The following UBE2H variants were observed in gnomAD, a reference collection of about 807,000 sequenced individuals.
The protein encoded by UBE2H is ubiquitin conjugating enzyme E2 H.
A neutral mutation model predicts 29.0 loss-of-function variants in UBE2H; 3 were observed. That is an observed-to-expected ratio of 0.10 (90% confidence interval 0.05 to 0.27). UBE2H has a LOEUF of 0.27. Ranked by LOEUF, UBE2H falls within the 10% of genes least tolerant of loss-of-function variation. The pLI is 1.00. For synonymous variants in UBE2H, 69 were observed against 82.9 expected, an observed-to-expected ratio of 0.83 and a Z score of 0.91; for missense variants, 68 against 228.2, an observed-to-expected ratio of 0.30 and a Z score of 4.52.
intron 5 of UBE2H, among the ~76,000 whole-genome samples, chr7:129,853,741 G>A (rs1224178816): frequency 2.6e-5 from 4 of 152,310 alleles, no homozygotes; most frequent in Admixed American, 6.5e-5. Context: ...AATCAATGGC[G>A]GGGAAGGGTG....
intron 1 of UBE2H, among the ~76,000 whole-genome samples, chr7:129,889,436 G>C (rs1383352736): frequency 1.3e-5 from 2 of 152,288 alleles, no homozygotes; most frequent in Admixed American, 1.3e-4. Context: ...CAAAAAAGCA[G>C]ATCTCCAAAT....
chr7:129,850,770 G>T (rs1805593335), intron 5 of UBE2H, among the ~76,000 whole-genome samples: 1 of 151,216 alleles, frequency 6.6e-6, no homozygotes, highest in Non-Finnish European at 1.5e-5. Flanking sequence ...AGCCGAGATT[G>T]CGCCACTGCA....
chr7:129,926,208 G>A (rs1807265445), intron 1 of UBE2H, among the ~76,000 whole-genome samples: 1 of 152,050 alleles, frequency 6.6e-6, no homozygotes, highest in African/African-American at 2.4e-5. Context: ...TGCCCAGGCT[G>A]GTCTGAAACT....
intron 1 of UBE2H, among the ~76,000 whole-genome samples, chr7:129,925,293 G>A (rs1261862678): frequency 1.3e-5 from 2 of 151,840 alleles, no homozygotes; most frequent in African/African-American, 4.8e-5. Flanking sequence ...GTTGCAGTGA[G>A]CCAAGATTAC....
intron 1 of UBE2H, among the ~76,000 whole-genome samples, chr7:129,943,631 G>A (rs1279129250): frequency 2.6e-5 from 4 of 152,180 alleles, no homozygotes; most frequent in Non-Finnish European, 5.9e-5. Context: ...GCCAGGCATC[G>A]TGGCTCACAC....
chr7:129,906,212 CTT>C (rs368590267), intron 1 of UBE2H, among the ~76,000 whole-genome samples: 9 of 143,062 alleles, frequency 6.3e-5, no homozygotes, highest in Admixed American at 2.1e-4. Flanking sequence ...TTTTTTCTTT[CTT>C]TTTTTTTTTT....
chr7:129,900,066 A>AT (rs1806678423), intron 1 of UBE2H, among the ~76,000 whole-genome samples: 2 of 151,690 alleles, frequency 1.3e-5, no homozygotes, highest in South Asian at 4.2e-4. Flanking sequence ...GGAAGTGGAG[A>AT]CTGCAGTGAC....
intron 1 of UBE2H, among the ~76,000 whole-genome samples, chr7:129,897,306 A>AT (rs1806618642): frequency 6.6e-6 from 1 of 152,194 alleles, no homozygotes; most frequent in African/African-American, 2.4e-5. Context: ...TAAATAATGA[A>AT]TTTGCTCTTA....
intron 1 of UBE2H, among the ~76,000 whole-genome samples, chr7:129,899,145 C>A (rs1353767442): frequency 6.6e-6 from 1 of 152,148 alleles, no homozygotes; most frequent in Non-Finnish European, 1.5e-5. Flanking sequence ...CTGTTGTCTG[C>A]TGTTTGTTTT....
chr7:129,916,830 G>C (rs1218200184), intron 1 of UBE2H, among the ~76,000 whole-genome samples: 1 of 152,116 alleles, frequency 6.6e-6, no homozygotes, highest in Non-Finnish European at 1.5e-5. Flanking sequence ...GAGGTTAAGA[G>C]ATCAAGACCA....
rs183293124 is a variant in UBE2H at position 129,918,517 on chromosome 7, C to T, written c.53+33986G>A. Among the ~76,000 whole-genome samples, 552 of 152,234 alleles carry T rather than the reference C, an allele frequency of 3.6e-3. 6 individuals carry two copies. Among genetic ancestry groups the T allele is most frequent in the African/African-American group, 3.2e-3 (131 of 41,530 alleles). On this transcript the variant is annotated intron_variant, in intron 1 of 6. Coordinates refer to ENST00000355621, the MANE Select transcript of UBE2H (RefSeq NM_003344.4). ...GGATTACAGGCATGTGCCACCACAC[C>T]CAGCTAATTTTTGTATTTTTATTAA...
At chr7:129,928,551 C>T (rs1269024673) in intron 1 of UBE2H, among the ~76,000 whole-genome samples, 2 of 152,096 alleles carry the variant, frequency 1.3e-5, no homozygotes, top group Non-Finnish European at 2.9e-5. Flanking sequence ...TGCAGTGAGC[C>T]GAGATTGCAC....
intron 1 of UBE2H, among the ~76,000 whole-genome samples, chr7:129,931,836 CTTTTTTTT>C (rs372552075): frequency 1.5e-5 from 2 of 131,310 alleles, no homozygotes; most frequent in Non-Finnish European, 3.2e-5. Flanking sequence ...TTCTACTTTG[CTTTTTTTT>C]TTTTTTTTTG....
chr7:129,943,039 C>T (rs774248156), intron 1 of UBE2H, among the ~76,000 whole-genome samples: 130 of 152,118 alleles, frequency 8.5e-4, no homozygotes, highest in Non-Finnish European at 1.5e-3. Context: ...GATGGGGTTT[C>T]GCCATGTTGG....
chr7:129,879,518 C>T, intron 3 of UBE2H, 50 bp downstream of exon 3: 1 of 1,519,034 alleles, frequency 6.6e-7, no homozygotes, highest in Non-Finnish European at 9.1e-7. Flanking sequence ...AAGATTTTTC[C>T]CCCTTAGATT....
chr7:129,944,118 AGGCCACG>A (rs1563054537), intron 1 of UBE2H, among the ~76,000 whole-genome samples: 6 of 115,816 alleles, frequency 5.2e-5, no homozygotes, highest in Admixed American at 2.8e-4. Context: ...GCACTTTGGG[AGGCCACG>A]GTGGGCAGAT....
intron 1 of UBE2H, among the ~76,000 whole-genome samples, chr7:129,921,694 C>CAAAAAAA (rs1047164274): frequency 1.5e-5 from 1 of 68,506 alleles, no homozygotes; most frequent in Non-Finnish European, 3.0e-5. Flanking sequence ...GACTCTGTCA[C>CAAAAAAA]AAAAAAAAAA....
intron 1 of UBE2H, among the ~76,000 whole-genome samples, chr7:129,885,050 G>C (rs1295413602): frequency 6.7e-6 from 1 of 149,380 alleles, no homozygotes; most frequent in East Asian, 1.9e-4. Context: ...CTGAGAGAGA[G>C]AGAACTTCTC....
chr7:129,858,962 T>C, intron 3 of UBE2H, 21 bp from the exon 4 acceptor site: 1 of 1,602,138 alleles, frequency 6.2e-7, no homozygotes, highest in Non-Finnish European at 8.5e-7. Flanking sequence ...AGATGTTAAT[T>C]AGCAGCAAAA....
Sources: allele counts gnomAD v4.1 joint callset (sites outside exome capture counted in the v4.1 genomes callset), GRCh38; gene constraint gnomAD v4.1.1; transcripts MANE v1.5; gene names NCBI Gene and HGNC (gene_info 2026-07-23, HGNC 2026-07-21).